The following DGKB variants were observed in gnomAD, a reference collection of about 807,000 sequenced individuals.
The protein encoded by DGKB is 90 kDa diacylglycerol kinase.
Under a neutral mutation model 114.3 loss-of-function variants are expected in DGKB, and 67 were observed. That is an observed-to-expected ratio of 0.59 (90% CI 0.48 to 0.72). The LOEUF is 0.72. Ranked by LOEUF, DGKB falls within the 30% of genes least tolerant of loss-of-function variation. The pLI, the probability that DGKB is intolerant of heterozygous loss-of-function variation, is 0.00. For synonymous variants in DGKB, 398 were observed against 323.1 expected, an observed-to-expected ratio of 1.23 and a Z score of -2.49; for missense variants, 907 against 975.2, an observed-to-expected ratio of 0.93 and a Z score of 0.93.
chr7:14,183,790 T>C (rs1289499884), intron 23 of DGKB, among the ~76,000 whole-genome samples: 1 of 152,156 alleles, frequency 6.6e-6, no homozygotes, highest in African/African-American at 2.4e-5. Context: ...TTCTCTTGGA[T>C]CATCATGGCG....
At chr7:14,242,749 C>T (rs1009558700) in intron 23 of DGKB, among the ~76,000 whole-genome samples, 1 of 152,050 alleles carries the variant, frequency 6.6e-6, no homozygotes, top group Non-Finnish European at 1.5e-5. Context: ...TTCACCTATA[C>T]CCTTCATAAC....
chr7:14,195,613 T>A (rs1784904359), intron 23 of DGKB, among the ~76,000 whole-genome samples: 1 of 152,216 alleles, frequency 6.6e-6, no homozygotes, highest in Non-Finnish European at 1.5e-5. Context: ...TTTCTTGAGA[T>A]ATATTATAAA....
At chr7:14,313,307 T>TC (rs1228685110) in intron 23 of DGKB, among the ~76,000 whole-genome samples, 2 of 152,028 alleles carry the variant, frequency 1.3e-5, no homozygotes, top group Non-Finnish European at 2.9e-5. Context: ...GGTCTACAGC[T>TC]CCCAGCCTGA....
At chr7:14,217,532 C>T (rs1367626496) in intron 23 of DGKB, among the ~76,000 whole-genome samples, 3 of 151,788 alleles carry the variant, frequency 2.0e-5, no homozygotes, top group African/African-American at 7.3e-5. Context: ...CCACTGTAAA[C>T]TTTTGAAATG....
chr7:14,563,290 G>C (rs1796939044), intron 20 of DGKB, among the ~76,000 whole-genome samples: 1 of 152,080 alleles, frequency 6.6e-6, no homozygotes, highest in African/African-American at 2.4e-5. Flanking sequence ...TAATTCACTA[G>C]GTTATTCATT....
chr7:14,731,760 A>T (rs573563711), intron 5 of DGKB, among the ~76,000 whole-genome samples: 25 of 152,270 alleles, frequency 1.6e-4, no homozygotes, highest in African/African-American at 5.5e-4. Context: ...GAAATTAACA[A>T]ATGGTGGGCC....
intron 21 of DGKB, among the ~76,000 whole-genome samples, chr7:14,399,420 A>G (rs986029434): frequency 6.6e-6 from 1 of 151,750 alleles, no homozygotes; most frequent in Non-Finnish European, 1.5e-5. Context: ...GTGAGACAGA[A>G]GTATGTAACT....
intron 13 of DGKB, among the ~76,000 whole-genome samples, chr7:14,672,451 A>G (rs1176360520): frequency 6.6e-6 from 1 of 152,070 alleles, no homozygotes; most frequent in Non-Finnish European, 1.5e-5. Flanking sequence ...ATTGTTCAAT[A>G]AAATTTTTTT....
At chr7:14,330,896 G>C (rs957686605) in intron 23 of DGKB, among the ~76,000 whole-genome samples, 2 of 151,666 alleles carry the variant, frequency 1.3e-5, no homozygotes, top group African/African-American at 4.8e-5. Flanking sequence ...AGAGTACCTG[G>C]TCTTATATAT....
At chr7:14,660,315 T>C (rs1288843592) in intron 13 of DGKB, among the ~76,000 whole-genome samples, 45 of 151,640 alleles carry the variant, frequency 3.0e-4, no homozygotes, top group South Asian at 4.2e-4. Context: ...ATGGTACCAG[T>C]TCCTCCTTGT....
intron 23 of DGKB, among the ~76,000 whole-genome samples, chr7:14,193,143 C>A (rs962993658): frequency 1.3e-5 from 2 of 150,102 alleles, no homozygotes; most frequent in Admixed American, 1.3e-4. Context: ...TGTTTGTGGC[C>A]TGGGGGTTAG....
At position 14,541,999 on chromosome 7, in the gene DGKB, T is replaced by C. The variant is rs530712139; in HGVS notation, c.1770+32213A>G. On this transcript the variant is annotated intron_variant, in intron 20 of 25. Transcript: ENST00000402815. ...ATTGTGCTAGACTCCATACTTGTTA[T>C]TGGCCTCCCTGCCTTCATTTTTGTC... is the stretch of plus-strand genomic sequence containing the variant. Among the ~76,000 whole-genome samples the C allele has an allele frequency of 2.0e-5, 3 of 152,270 alleles. No homozygotes were observed. In the South Asian group the frequency reaches 6.2e-4, roughly 32 times the overall value.
chr7:14,347,649 A>G (rs551037822), intron 21 of DGKB, among the ~76,000 whole-genome samples: 1 of 152,016 alleles, frequency 6.6e-6, no homozygotes, highest in Non-Finnish European at 1.5e-5. Flanking sequence ...TGGTCAAAGG[A>G]TGCAAACTTA....
intron 12 of DGKB, among the ~76,000 whole-genome samples, chr7:14,676,851 A>G (rs1819950325): frequency 6.6e-6 from 1 of 152,030 alleles, no homozygotes; most frequent in Admixed American, 6.6e-5. Context: ...GAGAAAATCA[A>G]ATGTTTACTA....
intron 21 of DGKB, among the ~76,000 whole-genome samples, chr7:14,456,797 C>A (rs1032882958): frequency 2.0e-5 from 3 of 151,922 alleles, no homozygotes; most frequent in African/African-American, 7.2e-5. Context: ...TTTTTTCTAA[C>A]CTGAAAACCT....
intron 20 of DGKB, among the ~76,000 whole-genome samples, chr7:14,479,291 C>G (rs935578683): frequency 1.3e-5 from 2 of 152,066 alleles, no homozygotes; most frequent in Admixed American, 1.3e-4. Flanking sequence ...AAATGAAAGG[C>G]TAATGTGCTT....
At chr7:14,441,583 T>C (rs1213439924) in intron 21 of DGKB, among the ~76,000 whole-genome samples, 1 of 152,104 alleles carries the variant, frequency 6.6e-6, no homozygotes, top group East Asian at 1.9e-4. Flanking sequence ...CCTATATATT[T>C]TTGTAAAAGT....
intron 20 of DGKB, among the ~76,000 whole-genome samples, chr7:14,554,979 C>T (rs551827350): frequency 1.3e-5 from 2 of 152,138 alleles, no homozygotes; most frequent in African/African-American, 4.8e-5. Flanking sequence ...GAAAACACAA[C>T]CATAATTACC....
At chr7:14,158,781 C>A (rs1345355319) in intron 25 of DGKB, among the ~76,000 whole-genome samples, 1 of 152,072 alleles carries the variant, frequency 6.6e-6, no homozygotes, top group African/African-American at 2.4e-5. Context: ...TTCAGGTCCT[C>A]CTGTTTCAAG....
Sources: allele counts gnomAD v4.1 joint callset (sites outside exome capture counted in the v4.1 genomes callset), GRCh38; gene constraint gnomAD v4.1.1; transcripts MANE v1.5; gene names NCBI Gene and HGNC (gene_info 2026-07-23, HGNC 2026-07-21).